The following CDH12 variants were observed in gnomAD, a reference collection of about 807,000 sequenced individuals.
CDH12 encodes the protein cadherin-12.
In CDH12, 41 loss-of-function variants were observed where a neutral mutation model predicts 74.1. The observed-to-expected ratio is 0.55, with a 90% CI of 0.43 to 0.72. The LOEUF (loss-of-function observed/expected upper bound fraction) is 0.72. Among genes scored for constraint, CDH12 ranks in the 30% least tolerant of loss-of-function variants. The pLI, the probability that CDH12 is intolerant of heterozygous loss-of-function variation, is 0.00. For missense variants in CDH12, 945 were observed against 977.2 expected, an observed-to-expected ratio of 0.97 and a Z score of 0.44; for synonymous variants, 399 against 355.0, an observed-to-expected ratio of 1.12 and a Z score of -1.39.
chr5:22,274,360 T>C (rs1444904431), intron 3 of CDH12, among the ~76,000 whole-genome samples: 1 of 152,152 alleles, frequency 6.6e-6, no homozygotes, highest in African/African-American at 2.4e-5. Flanking sequence ...AATTTTAATC[T>C]AATTAAACAT....
rs149337129 is a variant in CDH12 at position 22,626,575 on chromosome 5, T to C, written c.-522-121211A>G. Among the ~76,000 whole-genome samples the C allele has an allele frequency of 9.9e-4, 150 of 152,154 alleles. 1 individual carries two copies. The Middle Eastern group carries it at 0.014, about 14-fold the overall frequency. On this transcript the variant is annotated intron_variant, in intron 1 of 14. Transcript: ENST00000382254. ...AAACCCCTAAGGGCATCAAAGAAGA[T>C]ACCAGCAAGAAAACTAAATAAAAAG... is the stretch of plus-strand genomic sequence containing the variant.
intron 3 of CDH12, among the ~76,000 whole-genome samples, chr5:22,213,371 G>T (rs920662316): frequency 4.6e-5 from 7 of 151,634 alleles, no homozygotes; most frequent in African/African-American, 1.7e-4. Flanking sequence ...CATTACACTT[G>T]CAAAAAATGT....
intron 1 of CDH12, among the ~76,000 whole-genome samples, chr5:22,827,566 T>A (rs999822271): frequency 6.6e-6 from 1 of 152,172 alleles, no homozygotes; most frequent in Non-Finnish European, 1.5e-5. Context: ...TGCTGATAGA[T>A]ACAGGAGCCA....
At chr5:22,637,503 T>G (rs2126865454) in intron 1 of CDH12, among the ~76,000 whole-genome samples, 1 of 152,320 alleles carries the variant, frequency 6.6e-6, no homozygotes, top group East Asian at 1.9e-4. Flanking sequence ...TGCTACAAAG[T>G]GCTGCATAAG....
intron 1 of CDH12, among the ~76,000 whole-genome samples, chr5:22,689,533 C>T (rs1409165881): frequency 6.6e-6 from 1 of 151,886 alleles, no homozygotes; most frequent in Non-Finnish European, 1.5e-5. Context: ...ACAGTAAGTG[C>T]AAATACATAA....
At chr5:22,185,290 C>T (rs777756439) in intron 4 of CDH12, among the ~76,000 whole-genome samples, 1 of 151,506 alleles carries the variant, frequency 6.6e-6, no homozygotes, top group Non-Finnish European at 1.5e-5. Context: ...TCTCTGCCTC[C>T]CAGGTTCAAG....
At chr5:22,400,740 A>C (rs906469104) in intron 3 of CDH12, among the ~76,000 whole-genome samples, 1 of 152,116 alleles carries the variant, frequency 6.6e-6, no homozygotes, top group Non-Finnish European at 1.5e-5. Context: ...GCTTTGCAAA[A>C]AAAATTATGA....
At chr5:22,176,156 A>C (rs1178395888) in intron 4 of CDH12, among the ~76,000 whole-genome samples, 1 of 151,908 alleles carries the variant, frequency 6.6e-6, no homozygotes, top group East Asian at 1.9e-4. Context: ...TCGGGGTATT[A>C]GGGTGTGAAT....
At chr5:21,888,002 C>G (rs1480197292) in intron 6 of CDH12, among the ~76,000 whole-genome samples, 1 of 151,682 alleles carries the variant, frequency 6.6e-6, no homozygotes, top group Non-Finnish European at 1.5e-5. Context: ...TTGATCTAAA[C>G]AAAAAGTCTG....
At chr5:21,921,100 A>G (rs190017355) in intron 6 of CDH12, among the ~76,000 whole-genome samples, 1 of 152,318 alleles carries the variant, frequency 6.6e-6, no homozygotes, top group African/African-American at 2.4e-5. Flanking sequence ...TGAGGGACAT[A>G]AGATTGATCA....
At chr5:22,181,468 A>G (rs550821442) in intron 4 of CDH12, among the ~76,000 whole-genome samples, 42 of 152,208 alleles carry the variant, frequency 2.8e-4, no homozygotes, top group African/African-American at 1.0e-3. Context: ...TTTTTTTCTT[A>G]GAGATCTATA....
At chr5:21,801,274 T>C (rs1486079008) in intron 10 of CDH12, among the ~76,000 whole-genome samples, 1 of 152,220 alleles carries the variant, frequency 6.6e-6, no homozygotes. Flanking sequence ...TGTATGTCAA[T>C]AGAATAAAGT....
At chr5:22,527,787 C>T (rs1737355382) in intron 1 of CDH12, among the ~76,000 whole-genome samples, 1 of 152,168 alleles carries the variant, frequency 6.6e-6, no homozygotes, top group Non-Finnish European at 1.5e-5. Context: ...TGAGCCAAGG[C>T]AGCTTAGGCA....
intron 1 of CDH12, among the ~76,000 whole-genome samples, chr5:22,750,625 G>A (rs894404103): frequency 2.6e-5 from 4 of 152,250 alleles, no homozygotes; most frequent in African/African-American, 7.2e-5. Flanking sequence ...TGGACCAGTC[G>A]AATGTAGGGC....
chr5:22,472,151 G>A (rs749999322), intron 2 of CDH12, among the ~76,000 whole-genome samples: 8 of 152,136 alleles, frequency 5.3e-5, no homozygotes, highest in Non-Finnish European at 8.8e-5. Context: ...GATACTATGG[G>A]TGGGAGTATT....
chr5:22,086,086 G>C (rs1743048064), intron 4 of CDH12, among the ~76,000 whole-genome samples: 1 of 152,068 alleles, frequency 6.6e-6, no homozygotes, highest in Non-Finnish European at 1.5e-5. Context: ...TCTCTCTCTG[G>C]TATAGCAAAC....
chr5:22,607,901 C>T (rs954148349), intron 1 of CDH12, among the ~76,000 whole-genome samples: 4 of 152,352 alleles, frequency 2.6e-5, no homozygotes, highest in African/African-American at 9.6e-5. Context: ...GTTTGAAAAC[C>T]TTCACCTAGA....
chr5:22,584,081 AATTTATTT>A (rs3047309), intron 1 of CDH12, among the ~76,000 whole-genome samples: 6 of 147,412 alleles, frequency 4.1e-5, no homozygotes, highest in Non-Finnish European at 5.9e-5. Flanking sequence ...TTGTTTGCGG[AATTTATTT>A]ATTTATTTAT....
chr5:21,750,716 G>A lies in CDH12; in HGVS notation c.*1021C>T, dbSNP rs1743998346. On this transcript the variant is annotated 3_prime_UTR_variant, in exon 15 of 15. Coordinates refer to ENST00000382254, the MANE Select transcript of CDH12 (RefSeq NM_004061.5). ...GAATCACTAGATTGTAAGAAACTCT[G>A]AGAAACTGTATAATGAATTTCTCTT... is the stretch of plus-strand genomic sequence containing the variant. The A allele has an allele frequency of 6.6e-6, 1 of 151,936 alleles. No individual in the cohort carries two copies. The allele number at this position is 151,936 out of a possible 1,614,324, so 9.4% of individuals were successfully genotyped here.
Sources: allele counts gnomAD v4.1 joint callset (sites outside exome capture counted in the v4.1 genomes callset), GRCh38; gene constraint gnomAD v4.1.1; transcripts MANE v1.5; gene names NCBI Gene and HGNC (gene_info 2026-07-23, HGNC 2026-07-21).